SYNE1: variants seen among roughly 807,000 people sequenced by gnomAD.
SYNE1 encodes the protein nesprin-1.
SYNE1 carries 616 observed loss-of-function variants against 1,111.0 expected under a neutral mutation model. The ratio of observed to expected loss-of-function variants is 0.55; its 90% confidence interval spans 0.52 to 0.59. The LOEUF is 0.59. Among genes scored for constraint, SYNE1 ranks in the 20% least tolerant of loss-of-function variants. The probability of loss-of-function intolerance (pLI) is 0.00; values close to 1 mark genes in which losing one functional copy is unlikely to be tolerated. For synonymous variants in SYNE1, 3,855 were observed against 3,825.8 expected, an observed-to-expected ratio of 1.01 and a Z score of -0.28; for missense variants, 10,006 against 10,417.0, an observed-to-expected ratio of 0.96 and a Z score of 1.72.
chr6:152,218,915 G>A, intron 120 of SYNE1, 88 bp downstream of exon 120: 2 of 1,373,840 alleles, frequency 1.5e-6, no homozygotes, highest in Admixed American at 1.7e-5. Flanking sequence ...AGGCATTGTT[G>A]CCATGACAAG....
chr6:152,184,666 A>G (rs1474686753), intron 128 of SYNE1, among the ~76,000 whole-genome samples: 1 of 150,378 alleles, frequency 6.6e-6, no homozygotes, highest in Non-Finnish European at 1.5e-5. Flanking sequence ...ATAGATAGAT[A>G]GATAGATAGA....
At position 152,186,294 on chromosome 6, in the gene SYNE1, C is replaced by T. The variant is rs540450299; in HGVS notation, c.23301+2958G>A. ...AGGGAAGACCGGGCACGGTGGCTTACGCCTGTCATCTCAGCACTTTGGGAG... is the reference window on the plus strand; with the variant it reads ...AGGGAAGACCGGGCACGGTGGCTTATGCCTGTCATCTCAGCACTTTGGGAG... On this transcript the variant is annotated intron_variant, in intron 128 of 145. Coordinates refer to ENST00000367255, the MANE Select transcript of SYNE1 (RefSeq NM_182961.4). 3.3e-4 allele frequency among the ~76,000 whole-genome samples: 50 copies of T among 152,138 alleles called. No individual in the cohort carries two copies. In the South Asian group the frequency reaches 8.5e-3, roughly 26 times the overall value.
chr6:152,554,073 T>G (rs960196495), intron 3 of SYNE1, among the ~76,000 whole-genome samples: 4 of 151,970 alleles, frequency 2.6e-5, no homozygotes, highest in African/African-American at 9.7e-5. Context: ...GAGGCTCAGC[T>G]GTGAGTCTTC....
chr6:152,369,122 G>A lies in SYNE1; in HGVS notation c.9657C>T (p.Val3219=). The change falls in exon 61 of 146, where the codon GTC becomes GTT. Residue 3219 remains valine (V), a synonymous_variant. Transcript: ENST00000367255. Reference sequence around the variant, plus strand: ...GCTCGTAGCAGTGTATTTCCTCAAGGACAGACTGAAAAGCACAAGCAAGTT... The same window carrying A: ...GCTCGTAGCAGTGTATTTCCTCAAGAACAGACTGAAAAGCACAAGCAAGTT... ...KRREQQKLQS[V]LEEIHCYEPQ... 6.2e-7 allele frequency: 1 copy of A among 1,613,242 alleles called. No homozygotes were observed. The highest frequency in any genetic ancestry group is 1.1e-5 in the South Asian group (1 of 91,046).
At chr6:152,561,102 G>A (rs994545549) in intron 3 of SYNE1, among the ~76,000 whole-genome samples, 2 of 151,934 alleles carry the variant, frequency 1.3e-5, no homozygotes, top group Non-Finnish European at 2.9e-5. Flanking sequence ...GCAATAAAAG[G>A]CATCAAAATC....
At position 152,379,505 on chromosome 6, in the gene SYNE1, C is replaced by T. The variant is rs538728141; in HGVS notation, c.9009+1501G>A. Among the ~76,000 whole-genome samples, 23 of 152,180 alleles carry T rather than the reference C, an allele frequency of 1.5e-4. 1 individual carries two copies. In the South Asian group the frequency reaches 3.1e-3, roughly 21 times the overall value. On this transcript the variant is annotated intron_variant, in intron 56 of 145. Transcript: ENST00000367255. ...GTGATCATCAACAATGACAAGTCCT[C>T]CCTAAAAGCAAAACAATGCCCTAAG... is the stretch of plus-strand genomic sequence containing the variant.
At position 152,428,272 on chromosome 6, in the gene SYNE1, C is replaced by T. The variant is rs148885424; in HGVS notation, c.4909G>A (p.Glu1637Lys). 51 of 1,613,994 alleles carry T rather than the reference C, an allele frequency of 3.2e-5. No individual in the cohort carries two copies. The highest frequency in any genetic ancestry group is 1.6e-4 in the Middle Eastern group (1 of 6,084). The stretch of plus-strand genomic sequence containing the variant: ...TCCTTCGCCCTCCTTAGGATGTCCT[C>T]GTATTGCTGCTGTAGAGCCGCAGCC... Reference protein sequence around the residue: ...QEAAALQQQYEDILRRAKERQ... With the variant: ...QEAAALQQQYKDILRRAKERQ... Residue 1637 changes from glutamate (E) to lysine (K), a missense_variant, in exon 37 of 146, where the codon GAG (glutamate) becomes AAG (lysine). Coordinates refer to ENST00000367255, the MANE Select transcript of SYNE1 (RefSeq NM_182961.4).
intron 127 of SYNE1, among the ~76,000 whole-genome samples, chr6:152,195,127 G>A (rs2073761836): frequency 6.6e-6 from 1 of 152,046 alleles, no homozygotes. Context: ...CTCCATGTTG[G>A]CCAGGCTGGT....
At chr6:152,324,551 G>T (rs1590084043) in intron 81 of SYNE1, among the ~76,000 whole-genome samples, 2 of 152,262 alleles carry the variant, frequency 1.3e-5, no homozygotes, top group South Asian at 4.1e-4. Flanking sequence ...CCCAGCACTT[G>T]GCGGGGGCTG....
chr6:152,513,030 A>G (rs1444328610), intron 6 of SYNE1, among the ~76,000 whole-genome samples: 2 of 152,208 alleles, frequency 1.3e-5, no homozygotes, highest in Non-Finnish European at 2.9e-5. Context: ...TGTTAGAGAT[A>G]TAGAATCTGA....
chr6:152,345,117 G>A (rs2096607810), intron 73 of SYNE1, among the ~76,000 whole-genome samples: 2 of 152,042 alleles, frequency 1.3e-5, no homozygotes, highest in African/African-American at 4.8e-5. Context: ...ATGGTGTTTT[G>A]TTCTCTTTAT....
rs397750465 is a variant in SYNE1, at chr6:152,488,737, T to TG, written c.940-235dup. ...AAATTAACCAACTCCATTTTTTTTT[T>TG]GCCAAGTAACGCTAATTTAATAAAG... On this transcript the variant is annotated intron_variant, in intron 11 of 145. Coordinates refer to ENST00000367255, the MANE Select transcript of SYNE1 (RefSeq NM_182961.4). Among the ~76,000 whole-genome samples, 36 of 151,978 alleles carry TG rather than the reference T, an allele frequency of 2.4e-4. 1 individual carries two copies. The East Asian group carries it at 6.8e-3, about 29-fold the overall frequency.
chr6:152,131,326 T>C (rs1481045637), intron 144 of SYNE1, among the ~76,000 whole-genome samples: 1 of 117,242 alleles, frequency 8.5e-6, no homozygotes, highest in Admixed American at 8.1e-5. Flanking sequence ...CTAGTGAATG[T>C]AGTAAAAAAA....
rs746975783 is a variant in SYNE1 at position 152,213,565 on chromosome 6, G to A, written c.22494+47C>T. 1.6e-5 allele frequency: 26 copies of A among 1,607,728 alleles called. 2 individuals are homozygous for A. The highest frequency in any genetic ancestry group is 4.4e-5 in the South Asian group (4 of 90,924). ...CACAGCATTTCGTAGCATCTTCTAA[G>A]GGCCTAAAAATTTCTTATTACCCCC... On this transcript the variant is annotated intron_variant, in intron 123 of 145. Transcript: ENST00000367255.
intron 3 of SYNE1, among the ~76,000 whole-genome samples, chr6:152,587,697 T>A (rs2099544911): frequency 6.6e-6 from 1 of 152,212 alleles, no homozygotes. Flanking sequence ...TGTGGCAATA[T>A]TGCTGTGTGA....
intron 101 of SYNE1, among the ~76,000 whole-genome samples, chr6:152,259,752 C>T (rs1562576024): frequency 6.6e-6 from 1 of 152,234 alleles, no homozygotes; most frequent in East Asian, 1.9e-4. Context: ...AGCTAAATTG[C>T]TTCTTCCCTC....
intron 95 of SYNE1, among the ~76,000 whole-genome samples, chr6:152,287,400 A>G (rs1589369650): frequency 6.6e-6 from 1 of 152,194 alleles, no homozygotes; most frequent in Non-Finnish European, 1.5e-5. Context: ...AATACCACAC[A>G]ATCTTAATTA....
intron 96 of SYNE1, among the ~76,000 whole-genome samples, chr6:152,283,490 CACTG>C (rs1373311937): frequency 3.3e-5 from 5 of 152,200 alleles, no homozygotes; most frequent in African/African-American, 9.6e-5. Flanking sequence ...CATGGCTACA[CACTG>C]ACTGTACTCT....
In SYNE1 at chr6:152,484,957, T is replaced by C. The variant is rs149532009; in HGVS notation, c.1063A>G (p.Arg355Gly). The change falls in exon 13 of 146, where the codon AGA (arginine) becomes GGA (glycine). Residue 355 changes from arginine to glycine, a missense_variant. Physicochemically the swap from Arg to Gly is moderately radical, Grantham distance 125 (BLOSUM62 -2). Around this residue, in one of 7 missense-constraint regions of SYNE1, gnomAD observed 1,971 missense variants for 2,084.1 expected, o/e 0.95. Coordinates refer to ENST00000367255, the MANE Select transcript of SYNE1 (RefSeq NM_182961.4). ...QDKYQSFKHF[R>G]VQYEMKRKQI... Reference sequence around the variant, plus strand: ...TTCCTCTTCATTTCATATTGAACTCTGAAGTGCTTAAATGACTAAAAGAGG... The same window carrying C: ...TTCCTCTTCATTTCATATTGAACTCCGAAGTGCTTAAATGACTAAAAGAGG... The C allele has an allele frequency of 3.1e-6, 5 of 1,612,416 alleles. No homozygotes were observed. The highest frequency in any genetic ancestry group is 2.2e-5 in the South Asian group (2 of 90,934).
Sources: gnomAD v4.1 joint callset for allele counts (sites outside exome capture counted in the v4.1 genomes callset) on GRCh38, gnomAD v4.1.1 for gene constraint, gnomAD v4.1.1 regional missense constraint, MANE v1.5 for transcripts, NCBI Gene and HGNC (gene_info 2026-07-23, HGNC 2026-07-21) for gene names.